Variants in NUGGC observed in about 807,000 individuals in gnomAD.
NUGGC encodes nuclear GTPase SLIP-GC.
A neutral mutation model predicts 92.6 loss-of-function variants in NUGGC; 58 were observed. The observed-to-expected ratio is 0.63, with a 90% CI of 0.51 to 0.78. The LOEUF (loss-of-function observed/expected upper bound fraction) is 0.78, where lower values mean the gene tolerates loss of function less well. NUGGC is among the 30% of genes least tolerant of loss of function. The pLI, the probability that NUGGC is intolerant of heterozygous loss-of-function variation, is 0.00. For missense variants in NUGGC, 925 were observed against 964.6 expected, an observed-to-expected ratio of 0.96 and a Z score of 0.54; for synonymous variants, 376 against 366.4, an observed-to-expected ratio of 1.03 and a Z score of -0.30.
intron 6 of NUGGC, among the ~76,000 whole-genome samples, chr8:28,066,131 G>A (rs1394925280): frequency 1.3e-5 from 2 of 152,194 alleles, no homozygotes; most frequent in Non-Finnish European, 2.9e-5. Flanking sequence ...TATAGAGTTG[G>A]CAAAGACGTT....
intron 7 of NUGGC, among the ~76,000 whole-genome samples, chr8:28,063,577 G>A (rs1810361858): frequency 6.6e-6 from 1 of 152,126 alleles, no homozygotes; most frequent in Non-Finnish European, 1.5e-5. Flanking sequence ...GGGGAGGTGG[G>A]GTAGATAGAG....
At chr8:28,026,817 C>A in intron 18 of NUGGC, 145 bp downstream of exon 18, 6 of 641,074 alleles carry the variant, frequency 9.4e-6, no homozygotes, top group Non-Finnish European at 1.7e-5. Flanking sequence ...GTCATCATCT[C>A]CATTCCTTGC....
chr8:28,034,034 C>A (rs1299714966), intron 13 of NUGGC, among the ~76,000 whole-genome samples: 2 of 152,152 alleles, frequency 1.3e-5, no homozygotes, highest in Non-Finnish European at 1.5e-5. Context: ...ATCTTTATGT[C>A]CTCAACATCT....
At chr8:28,079,497 G>A (rs940320127) in intron 1 of NUGGC, among the ~76,000 whole-genome samples, 17 of 152,152 alleles carry the variant, frequency 1.1e-4, no homozygotes, top group Non-Finnish European at 2.2e-4. Context: ...CCGAGATCAC[G>A]CCACTGCCAG....
At chr8:28,031,436 A>G in intron 14 of NUGGC, 55 bp from the exon 15 acceptor site, 1 of 1,556,296 alleles carries the variant, frequency 6.4e-7, no homozygotes, top group African/African-American at 1.4e-5. Context: ...TGTGAGGCTG[A>G]AACAAACACG....
At chr8:28,030,624 G>A (rs889861056) in intron 15 of NUGGC, among the ~76,000 whole-genome samples, 1 of 152,180 alleles carries the variant, frequency 6.6e-6, no homozygotes, top group African/African-American at 2.4e-5. Flanking sequence ...GCTTCCCATG[G>A]TGCCTGGCAC....
intron 8 of NUGGC, among the ~76,000 whole-genome samples, chr8:28,058,488 A>G (rs1328464613): frequency 4.6e-5 from 7 of 152,114 alleles, no homozygotes; most frequent in Non-Finnish European, 7.3e-5. Context: ...GCGTTTTGTC[A>G]GCTGTGAACA....
At chr8:28,027,336 AG>A (rs1809293092) in intron 17 of NUGGC, among the ~76,000 whole-genome samples, 1 of 152,186 alleles carries the variant, frequency 6.6e-6, no homozygotes, top group African/African-American at 2.4e-5. Context: ...TGATCAAATC[AG>A]GAGCTAATGG....
At chr8:28,061,748 G>C (rs552076069) in intron 7 of NUGGC, among the ~76,000 whole-genome samples, 1 of 152,208 alleles carries the variant, frequency 6.6e-6, no homozygotes, top group East Asian at 1.9e-4. Context: ...ATCTGTATTT[G>C]GCAAAAAATG....
intron 6 of NUGGC, among the ~76,000 whole-genome samples, chr8:28,065,152 C>CTTTTTTT (rs5890398): frequency 1.3e-5 from 1 of 79,884 alleles, no homozygotes; most frequent in Non-Finnish European, 2.4e-5. Context: ...GAAATTGGAT[C>CTTTTTTT]TTTTTTTTTT....
At chr8:28,040,109 C>T (rs1296185981) in intron 13 of NUGGC, among the ~76,000 whole-genome samples, 1 of 152,188 alleles carries the variant, frequency 6.6e-6, no homozygotes, top group East Asian at 1.9e-4. Flanking sequence ...GACTTTCAGC[C>T]TTCAGAACTA....
In NUGGC at chr8:28,064,906, G is replaced by A. The variant is rs544163293; in HGVS notation, c.712-175C>T. Among the ~76,000 whole-genome samples, 6 of 152,260 alleles carry A rather than the reference G, an allele frequency of 3.9e-5. No homozygotes were observed. In the South Asian group the frequency reaches 1.2e-3, roughly 32 times the overall value. On this transcript the variant is annotated intron_variant, in intron 6 of 18. Transcript: ENST00000413272. ...GAACCTGAGAGCCAGGAAGGACCCT[G>A]GAGAGGAGCAAGTTCAAGATCCTTA...
At chr8:28,065,452 G>A (rs1412061019) in intron 6 of NUGGC, among the ~76,000 whole-genome samples, 1 of 152,118 alleles carries the variant, frequency 6.6e-6, no homozygotes. Context: ...GAGCCACCGC[G>A]CCTGGCCGAA....
chr8:28,027,695 A>C (rs1040498924), intron 17 of NUGGC, among the ~76,000 whole-genome samples: 11 of 152,186 alleles, frequency 7.2e-5, no homozygotes, highest in African/African-American at 2.7e-4. Context: ...TCTAGATTCT[A>C]GATCAAGAGC....
chr8:28,061,425 T>A (rs1810302533), intron 7 of NUGGC, among the ~76,000 whole-genome samples: 2 of 152,238 alleles, frequency 1.3e-5, no homozygotes, highest in South Asian at 4.1e-4. Context: ...AATGAAAATC[T>A]GGTTCAACTC....
At chr8:28,076,117 T>C (rs1421835350) in intron 1 of NUGGC, among the ~76,000 whole-genome samples, 2 of 152,230 alleles carry the variant, frequency 1.3e-5, no homozygotes, top group Non-Finnish European at 2.9e-5. Flanking sequence ...TGCTTACGTC[T>C]GTTCCTCCTG....
intron 13 of NUGGC, among the ~76,000 whole-genome samples, chr8:28,039,392 C>T (rs1398805093): frequency 2.6e-5 from 4 of 152,072 alleles, no homozygotes; most frequent in South Asian, 4.2e-4. Context: ...CCACCACACC[C>T]GACTAGTTTT....
intron 5 of NUGGC, among the ~76,000 whole-genome samples, 166 bp from the exon 6 acceptor site, chr8:28,067,910 A>C (rs1405968170): frequency 6.6e-6 from 1 of 152,228 alleles, no homozygotes; most frequent in East Asian, 1.9e-4. Flanking sequence ...CCAAAGTCTC[A>C]TAAAAATGCA....
intron 10 of NUGGC, among the ~76,000 whole-genome samples, chr8:28,052,890 C>T (rs1415334244): frequency 6.6e-6 from 1 of 152,070 alleles, no homozygotes; most frequent in Non-Finnish European, 1.5e-5. Flanking sequence ...ATCGAAAGGC[C>T]TGGAAATGGA....
Sources: allele counts gnomAD v4.1 joint callset (sites outside exome capture counted in the v4.1 genomes callset), GRCh38; gene constraint gnomAD v4.1.1; transcripts MANE v1.5; gene names NCBI Gene and HGNC (gene_info 2026-07-23, HGNC 2026-07-21).